PECAM1: variants seen among roughly 807,000 people sequenced by gnomAD.
The protein encoded by PECAM1 is platelet endothelial cell adhesion molecule.
In PECAM1, 8 loss-of-function variants were observed where a neutral mutation model predicts 13.8. The ratio of observed to expected loss-of-function variants is 0.58; its 90% confidence interval spans 0.34 to 1.05. The LOEUF (loss-of-function observed/expected upper bound fraction) is 1.05, where lower values mean the gene tolerates loss of function less well. Among genes scored for constraint, PECAM1 ranks in the 50% least tolerant of loss-of-function variants. The pLI is 0.03. For missense variants in PECAM1, 304 were observed against 141.2 expected (o/e 2.15, Z -5.84); for synonymous variants, 136 against 52.6 (o/e 2.58, Z -6.86).
chr17:64,371,253 A>T (rs1395013542), intron 4 of PECAM1, among the ~76,000 whole-genome samples: 1 of 152,248 alleles, frequency 6.6e-6, no homozygotes, highest in Non-Finnish European at 1.5e-5. Flanking sequence ...AAGAAACAGA[A>T]CAGGTAAATT....
At chr17:64,384,989 C>T (rs903296599) in intron 2 of PECAM1, among the ~76,000 whole-genome samples, 119 of 152,330 alleles carry the variant, frequency 7.8e-4, no homozygotes, top group Non-Finnish European at 1.4e-3. Context: ...CACAGAGTGA[C>T]TGTTCACAAC....
At chr17:64,374,500 C>G (rs896964546) in intron 4 of PECAM1, among the ~76,000 whole-genome samples, 1 of 148,552 alleles carries the variant, frequency 6.7e-6, no homozygotes, top group African/African-American at 2.5e-5. Flanking sequence ...AAAACACACA[C>G]AAGGTTGGGG....
intron 14 of PECAM1, among the ~76,000 whole-genome samples, chr17:64,330,434 G>C (rs1233421859): frequency 6.6e-6 from 1 of 152,028 alleles, no homozygotes; most frequent in Non-Finnish European, 1.5e-5. Flanking sequence ...CCTGAGGCCA[G>C]GAGACCAGCC....
Position 64,321,755 on chromosome 17 carries a change from T to A in PECAM1, c.*2061A>T. 7.8e-7 allele frequency: 1 copy of A among 1,275,534 alleles called. No individual in the cohort carries two copies. The highest frequency in any genetic ancestry group is 1.0e-6 in the Non-Finnish European group (1 of 972,270). 79.0% of individuals were successfully genotyped at this position (1,275,534 alleles called of 1,614,324 possible). On this transcript the variant is annotated 3_prime_UTR_variant, in exon 16 of 16. Coordinates refer to ENST00000563924, the MANE Select transcript of PECAM1 (RefSeq NM_000442.5). ...CAGCCTGGGCAACAGAGCAAGCCCC[T>A]GTCTCAACAAAACAAAACAAAACAA...
At chr17:64,353,876 A>G (rs1436423642) in intron 9 of PECAM1, among the ~76,000 whole-genome samples, 1 of 152,158 alleles carries the variant, frequency 6.6e-6, no homozygotes, top group Non-Finnish European at 1.5e-5. Context: ...TATGATGGAA[A>G]AAGAGACAAT....
intron 2 of PECAM1, among the ~76,000 whole-genome samples, chr17:64,379,560 G>A (rs2036436465): frequency 2.0e-5 from 3 of 152,090 alleles, no homozygotes; most frequent in Non-Finnish European, 4.4e-5. Flanking sequence ...CAGCCCACTT[G>A]TGGTCTTAGT....
At chr17:64,362,201 C>G (rs1328333578) in intron 6 of PECAM1, among the ~76,000 whole-genome samples, 6 of 152,200 alleles carry the variant, frequency 3.9e-5, no homozygotes, top group African/African-American at 1.4e-4. Flanking sequence ...CCCATCTGGG[C>G]CTAAAATACT....
chr17:64,357,919 C>A (rs894391804), intron 7 of PECAM1, among the ~76,000 whole-genome samples: 7 of 152,026 alleles, frequency 4.6e-5, no homozygotes. Context: ...TGGATCGTTC[C>A]GAGAACTCAT....
At chr17:64,327,362 A>G (rs1555645889) in intron 15 of PECAM1, among the ~76,000 whole-genome samples, 1 of 152,212 alleles carries the variant, frequency 6.6e-6, no homozygotes, top group Non-Finnish European at 1.5e-5. Flanking sequence ...TGCTCTTATC[A>G]TCATTGTCAT....
In PECAM1 at chr17:64,325,432, A is replaced by T. The variant is rs192098052; in HGVS notation, c.2188-1587T>A. ...AATTTAATATTATGTATATTTTATG[A>T]CAATTAAAAAAAAGGATTCCTGGCT... On this transcript the variant is annotated intron_variant, in intron 15 of 15. Coordinates refer to ENST00000563924, the MANE Select transcript of PECAM1 (RefSeq NM_000442.5). Among the ~76,000 whole-genome samples, 50 of 152,070 alleles carry T rather than the reference A, an allele frequency of 3.3e-4. 1 individual carries two copies. The highest frequency in any genetic ancestry group is 1.2e-3 in the African/African-American group (48 of 41,486).
chr17:64,368,758 C>T (rs2036167550), intron 5 of PECAM1, among the ~76,000 whole-genome samples: 1 of 150,074 alleles, frequency 6.7e-6, no homozygotes, highest in Non-Finnish European at 1.5e-5. Flanking sequence ...GAGGCTGAGG[C>T]AGGAGAATTA....
chr17:64,323,752 A>C lies in PECAM1; in HGVS notation c.*64T>G. On this transcript the variant is annotated 3_prime_UTR_variant, in exon 16 of 16. Coordinates refer to ENST00000563924, the MANE Select transcript of PECAM1 (RefSeq NM_000442.5). The stretch of plus-strand genomic sequence containing the variant: ...TAAGTGCACAGAGGTCTTGAAATAC[A>C]GGGATTATCTGTTCTTCTCGGAACA... The C allele has an allele frequency of 7.8e-7, 1 of 1,274,102 alleles. No homozygotes were observed. Among genetic ancestry groups the C allele is most frequent in the Non-Finnish European group, 1.1e-6 (1 of 871,036 alleles). The allele number at this position is 1,274,102 out of a possible 1,614,324, so 78.9% of individuals were successfully genotyped here. A position where few individuals can be genotyped will look rare whatever the true frequency, so the allele number is the denominator to read the frequency against.
chr17:64,348,264 G>C lies in PECAM1; in HGVS notation c.2103C>G (p.His701Gln), dbSNP rs1445283087. Residue 701 changes from histidine (H) to glutamine (Q), a missense_variant, in exon 13 of 16, where the codon CAC (histidine) becomes CAG (glutamine). His to Gln is a conservative substitution (Grantham distance 24). Coordinates refer to ENST00000563924, the MANE Select transcript of PECAM1 (RefSeq NM_000442.5). Reference protein sequence around the residue: ...TEVQVSSAESHKDLGKKDTET... With the variant: ...TEVQVSSAESQKDLGKKDTET... Reference sequence around the variant, plus strand: ...ACTCACTCGAGTGGCACTTACCTTTGTGAGACTCAGCTGAGGACACTTGAA... The same window carrying C: ...ACTCACTCGAGTGGCACTTACCTTTCTGAGACTCAGCTGAGGACACTTGAA... 2.1e-6 allele frequency: 1 copy of C among 475,208 alleles called. No homozygotes were observed. Among genetic ancestry groups the C allele is most frequent in the Non-Finnish European group, 3.9e-6 (1 of 259,058 alleles). The allele number at this position is 475,208 out of a possible 1,614,324, so 29.4% of individuals were successfully genotyped here.
Position 64,323,001 on chromosome 17 carries a change from C to G in PECAM1, c.*815G>C, listed in dbSNP as rs2034844565. On this transcript the variant is annotated 3_prime_UTR_variant, in exon 16 of 16. Transcript: ENST00000563924. ...GGATTACAGGCGTGAGCCACCTTGC[C>G]TGCCCTGGCAAGGAATACATTTTTA... 2 of 979,004 alleles carry G rather than the reference C, an allele frequency of 2.0e-6. No individual in the cohort carries two copies. The highest frequency in any genetic ancestry group is 2.4e-6 in the Non-Finnish European group (2 of 823,986). The allele number at this position is 979,004 out of a possible 1,614,324, so 60.6% of individuals were successfully genotyped here.
At chr17:64,378,380 G>A (rs958816192) in intron 2 of PECAM1, among the ~76,000 whole-genome samples, 3 of 152,158 alleles carry the variant, frequency 2.0e-5, no homozygotes, top group East Asian at 1.9e-4. Flanking sequence ...GGTGGCTCAC[G>A]CCTATAATCC....
At chr17:64,329,212 A>G (rs2035038517) in intron 15 of PECAM1, among the ~76,000 whole-genome samples, 1 of 152,172 alleles carries the variant, frequency 6.6e-6, no homozygotes, top group Non-Finnish European at 1.5e-5. Flanking sequence ...AGGCTCTGGC[A>G]TAGCTCACTT....
At chr17:64,364,926 T>TTC (rs2036069226) in intron 5 of PECAM1, among the ~76,000 whole-genome samples, 1 of 149,684 alleles carries the variant, frequency 6.7e-6, no homozygotes, top group South Asian at 2.1e-4. Flanking sequence ...CAGGGATGCC[T>TTC]TCTCTCACCA....
chr17:64,332,357 T>C (rs1555646927), intron 14 of PECAM1, among the ~76,000 whole-genome samples: 1 of 112,554 alleles, frequency 8.9e-6, no homozygotes, highest in Non-Finnish European at 2.0e-5. Flanking sequence ...CTAAGGGCTC[T>C]GGAACCTCTT....
chr17:64,335,719 G>A (rs1405710916), intron 14 of PECAM1, among the ~76,000 whole-genome samples: 1 of 152,212 alleles, frequency 6.6e-6, no homozygotes, highest in East Asian at 1.9e-4. Flanking sequence ...ACTGTTAGAT[G>A]ATCTTGGGGA....
Sources: gnomAD v4.1 joint callset for allele counts (sites outside exome capture counted in the v4.1 genomes callset) on GRCh38, gnomAD v4.1.1 for gene constraint, MANE v1.5 for transcripts, NCBI Gene and HGNC (gene_info 2026-07-23, HGNC 2026-07-21) for gene names.